PHLDB2: variants seen among roughly 807,000 people sequenced by gnomAD.
PHLDB2 encodes pleckstrin homology-like domain family B member 2.
A neutral mutation model predicts 123.6 loss-of-function variants in PHLDB2; 71 were observed. The observed-to-expected ratio is 0.57, with a 90% CI of 0.47 to 0.70. The LOEUF is 0.70. PHLDB2 is among the 30% of genes least tolerant of loss of function. The pLI is 0.00. For missense variants in PHLDB2, 1,446 were observed against 1,519.5 expected (o/e 0.95, Z 0.80); for synonymous variants, 547 against 541.6 (o/e 1.01, Z -0.14).
rs577074067 is a variant in PHLDB2 at position 111,796,325 on chromosome 3, G to T, written c.-48-49496G>T. Among the ~76,000 whole-genome samples, 6 of 152,340 alleles carry T rather than the reference G, an allele frequency of 3.9e-5. No homozygotes were observed. In the South Asian group the frequency reaches 1.2e-3, roughly 32 times the overall value. On this transcript the variant is annotated intron_variant, in intron 1 of 17. Transcript: ENST00000393923. ...AAAATACCAGAAGTGTTAAGACACT[G>T]TCTTGTTGATTCTGCCCTCAAAATA...
At chr3:111,964,498 C>T (rs1048095850) in intron 13 of PHLDB2, among the ~76,000 whole-genome samples, 10 of 149,064 alleles carry the variant, frequency 6.7e-5, no homozygotes, top group Admixed American at 5.9e-4. Flanking sequence ...CACCACTACA[C>T]CTGGCTAATT....
At chr3:111,946,596 C>T (rs571801491) in intron 9 of PHLDB2, among the ~76,000 whole-genome samples, 7 of 152,242 alleles carry the variant, frequency 4.6e-5, no homozygotes, top group African/African-American at 1.2e-4. Flanking sequence ...TTATTCGGAA[C>T]GTGGAACTGT....
intron 1 of PHLDB2, among the ~76,000 whole-genome samples, chr3:111,801,395 G>C (rs1339947297): frequency 1.3e-5 from 2 of 152,144 alleles, no homozygotes; most frequent in African/African-American, 2.4e-5. Flanking sequence ...TGGATACAAA[G>C]ACCTCAAAAT....
At chr3:111,882,807 C>G (rs1383959053) in intron 1 of PHLDB2, among the ~76,000 whole-genome samples, 1 of 152,090 alleles carries the variant, frequency 6.6e-6, no homozygotes, top group Non-Finnish European at 1.5e-5. Context: ...TAATCCATGG[C>G]TGAGAGGGAG....
At chr3:111,961,633 A>T (rs1035793343) in intron 12 of PHLDB2, among the ~76,000 whole-genome samples, 2 of 152,214 alleles carry the variant, frequency 1.3e-5, no homozygotes, top group African/African-American at 4.8e-5. Context: ...GAGTTTCTGA[A>T]ATCCTACACT....
intron 3 of PHLDB2, 167 bp downstream of exon 3, chr3:111,913,869 CT>C (rs1375604075): frequency 2.2e-6 from 2 of 894,920 alleles, no homozygotes; most frequent in Non-Finnish European, 3.3e-6. Flanking sequence ...AGGGTGTTTA[CT>C]GTAAAGTAAC....
chr3:111,919,465 T>A (rs1182369325), intron 4 of PHLDB2, among the ~76,000 whole-genome samples: 6 of 152,174 alleles, frequency 3.9e-5, no homozygotes, highest in Non-Finnish European at 8.8e-5. Context: ...TCCAACCAAC[T>A]TTGTTTAAAC....
chr3:111,768,242 C>A (rs993512738), intron 1 of PHLDB2, among the ~76,000 whole-genome samples: 1 of 152,060 alleles, frequency 6.6e-6, no homozygotes, highest in African/African-American at 2.4e-5. Context: ...CTTCATGAAC[C>A]AGAATGAGGA....
At chr3:111,872,622 C>T (rs2065402858) in intron 1 of PHLDB2, among the ~76,000 whole-genome samples, 1 of 152,182 alleles carries the variant, frequency 6.6e-6, no homozygotes, top group African/African-American at 2.4e-5. Context: ...CTTGCCCACA[C>T]CCTAATCCTC....
chr3:111,737,453 A>G (rs911970576), intron 1 of PHLDB2, among the ~76,000 whole-genome samples: 1 of 152,050 alleles, frequency 6.6e-6, no homozygotes, highest in East Asian at 1.9e-4. Context: ...TCTGCCCCTG[A>G]CCCACCCAAA....
chr3:111,827,120 C>G (rs1032279309), intron 1 of PHLDB2, among the ~76,000 whole-genome samples: 3 of 152,168 alleles, frequency 2.0e-5, no homozygotes, highest in African/African-American at 7.2e-5. Context: ...CTAGAACAAC[C>G]TGCAAACTAG....
At chr3:111,947,405 G>A (rs1003332952) in intron 9 of PHLDB2, among the ~76,000 whole-genome samples, 20 of 152,098 alleles carry the variant, frequency 1.3e-4, no homozygotes, top group Admixed American at 8.5e-4. Context: ...TCACTTTCCT[G>A]TACAAAGCAG....
intron 1 of PHLDB2, among the ~76,000 whole-genome samples, chr3:111,761,091 A>T (rs1056652698): frequency 5.3e-5 from 8 of 151,666 alleles, no homozygotes; most frequent in African/African-American, 1.9e-4. Flanking sequence ...AGGCTGAGGA[A>T]GGAGAATCAC....
At chr3:111,919,557 C>T (rs2068372370) in intron 4 of PHLDB2, among the ~76,000 whole-genome samples, 1 of 152,174 alleles carries the variant, frequency 6.6e-6, no homozygotes, top group Non-Finnish European at 1.5e-5. Context: ...TCAAATCCAG[C>T]AAATGTTTTC....
chr3:111,925,079 T>G (rs2068742227), intron 5 of PHLDB2, among the ~76,000 whole-genome samples: 1 of 152,178 alleles, frequency 6.6e-6, no homozygotes, highest in African/African-American at 2.4e-5. Context: ...TCTGCCTGCC[T>G]TGGCCTCCCA....
chr3:111,867,140 A>G (rs2065128697), intron 1 of PHLDB2, among the ~76,000 whole-genome samples: 1 of 151,950 alleles, frequency 6.6e-6, no homozygotes, highest in African/African-American at 2.4e-5. Context: ...TTGAAAATGT[A>G]TTTGCTTTCA....
At chr3:111,852,395 T>C (rs2064297047) in intron 2 of PHLDB2, among the ~76,000 whole-genome samples, 1 of 148,454 alleles carries the variant, frequency 6.7e-6, no homozygotes. Context: ...ATATTATACA[T>C]AGGATTATAT....
chr3:111,832,708 C>T (rs1248999698), intron 1 of PHLDB2, among the ~76,000 whole-genome samples: 50 of 85,524 alleles, frequency 5.8e-4, no homozygotes, highest in African/African-American at 2.2e-3. Context: ...TAGAATTATA[C>T]ATATAATATA....
At chr3:111,797,136 T>A (rs1161762642) in intron 1 of PHLDB2, among the ~76,000 whole-genome samples, 2 of 152,340 alleles carry the variant, frequency 1.3e-5, no homozygotes, top group East Asian at 3.9e-4. Context: ...TCTAAATGAG[T>A]GACCCTGCTT....
Sources: gnomAD v4.1 joint callset for allele counts (sites outside exome capture counted in the v4.1 genomes callset) on GRCh38, gnomAD v4.1.1 for gene constraint, MANE v1.5 for transcripts, NCBI Gene and HGNC (gene_info 2026-07-23, HGNC 2026-07-21) for gene names.